The following FTO variants were observed in gnomAD, a reference collection of about 807,000 sequenced individuals.
FTO encodes the protein alpha-ketoglutarate-dependent dioxygenase FTO.
A neutral mutation model predicts 63.9 loss-of-function variants in FTO; 47 were observed. That is an observed-to-expected ratio of 0.74 (90% CI 0.58 to 0.94). The LOEUF (loss-of-function observed/expected upper bound fraction) is 0.94. FTO is among the 40% of genes least tolerant of loss of function. The pLI is 0.00. For synonymous variants in FTO, 207 were observed against 224.4 expected (o/e 0.92, Z 0.69); for missense variants, 562 against 618.1 (o/e 0.91, Z 0.96).
Position 54,044,181 on chromosome 16 carries a change from A to G in FTO, c.1365-67581A>G, listed in dbSNP as rs1377595449. On this transcript the variant is annotated intron_variant, in intron 8 of 8. Transcript: ENST00000471389. ...GACTGGCAAGTTGGATAAAGAGTCA[A>G]GACCCATCAGTGTGCTGTATTCAGG... Among the ~76,000 whole-genome samples, 5 of 74,920 alleles carry G rather than the reference A, an allele frequency of 6.7e-5. 1 individual carries two copies. Among genetic ancestry groups the G allele is most frequent in the Admixed American group, 2.9e-4 (2 of 6,786 alleles). The allele number at this position is 74,920 out of a possible 152,430, so 49.2% of individuals were successfully genotyped here.
chr16:53,794,469 A>G (rs2078008097), intron 1 of FTO, among the ~76,000 whole-genome samples: 1 of 152,218 alleles, frequency 6.6e-6, no homozygotes, highest in African/African-American at 2.4e-5. Flanking sequence ...ACAGAAAGCT[A>G]GATTTAGCTC....
chr16:54,103,669 A>G (rs1363988542), intron 8 of FTO, among the ~76,000 whole-genome samples: 2 of 152,216 alleles, frequency 1.3e-5, no homozygotes. Context: ...GTCCGAGTAG[A>G]CCGTTATGAT....
intron 3 of FTO, among the ~76,000 whole-genome samples, chr16:53,831,781 G>A (rs1567339055): frequency 6.6e-6 from 1 of 152,132 alleles, no homozygotes; most frequent in Non-Finnish European, 1.5e-5. Flanking sequence ...AATTTGAAGC[G>A]GGAGCACATA....
At chr16:53,945,208 G>GT (rs1475522709) in intron 8 of FTO, among the ~76,000 whole-genome samples, 26 of 152,216 alleles carry the variant, frequency 1.7e-4, no homozygotes, top group Non-Finnish European at 2.1e-4. Context: ...AAAAGTGGAT[G>GT]TTACTCCTGA....
At chr16:53,712,613 A>AG (rs1466164231) in intron 1 of FTO, among the ~76,000 whole-genome samples, 1 of 152,180 alleles carries the variant, frequency 6.6e-6, no homozygotes, top group Non-Finnish European at 1.5e-5. Context: ...TAACCCTCCT[A>AG]GTACTGGTTT....
intron 1 of FTO, among the ~76,000 whole-genome samples, chr16:53,781,342 A>G (rs1414747706): frequency 1.3e-5 from 2 of 152,208 alleles, no homozygotes; most frequent in African/African-American, 2.4e-5. Flanking sequence ...ATAGCAGATG[A>G]TTTTCAGGTT....
chr16:54,080,699 T>A (rs1455650204), intron 8 of FTO, among the ~76,000 whole-genome samples: 1 of 152,166 alleles, frequency 6.6e-6, no homozygotes, highest in African/African-American at 2.4e-5. Context: ...TGTTACCTGA[T>A]CAGTAATTGT....
At chr16:53,821,031 A>G (rs867925253) in intron 2 of FTO, among the ~76,000 whole-genome samples, 5 of 152,072 alleles carry the variant, frequency 3.3e-5, no homozygotes, top group Admixed American at 1.3e-4. Context: ...GATGATATTT[A>G]TGTGGTTATA....
At chr16:53,840,007 G>T (rs1046783027) in intron 3 of FTO, among the ~76,000 whole-genome samples, 3 of 151,934 alleles carry the variant, frequency 2.0e-5, no homozygotes, top group Non-Finnish European at 2.9e-5. Context: ...GTTTCACCAT[G>T]TTGGCCAGGA....
chr16:53,828,298 C>A (rs1468986020), intron 3 of FTO, among the ~76,000 whole-genome samples: 1 of 152,164 alleles, frequency 6.6e-6, no homozygotes, highest in Non-Finnish European at 1.5e-5. Context: ...CCACTCACTG[C>A]AAGCTCCGCC....
At chr16:53,793,840 G>A (rs966390868) in intron 1 of FTO, among the ~76,000 whole-genome samples, 2 of 152,112 alleles carry the variant, frequency 1.3e-5, no homozygotes, top group Non-Finnish European at 2.9e-5. Flanking sequence ...CCAGATTCAC[G>A]GTCTTTATAT....
Position 53,827,822 on chromosome 16 carries a change from A to T in FTO, c.751+1331A>T, listed in dbSNP as rs183905227. Among the ~76,000 whole-genome samples, 10 of 152,326 alleles carry T rather than the reference A, an allele frequency of 6.6e-5. No homozygotes were observed. In the East Asian group the frequency reaches 1.7e-3, roughly 26 times the overall value. On this transcript the variant is annotated intron_variant, in intron 3 of 8. Transcript: ENST00000471389. ...CTCTGATCTTTAATAAGGACTTGCC[A>T]GGGATTTAAGAACTATCACATCCAA...
chr16:53,841,049 T>A, intron 3 of FTO, among the ~76,000 whole-genome samples: 1 of 57,908 alleles, frequency 1.7e-5, no homozygotes, highest in African/African-American at 8.3e-5. Flanking sequence ...CAGTATATTA[T>A]GTATGAATAA....
chr16:53,914,254 T>G (rs1185010369), intron 7 of FTO, among the ~76,000 whole-genome samples: 1 of 144,924 alleles, frequency 6.9e-6, no homozygotes, highest in Non-Finnish European at 1.5e-5. Flanking sequence ...TCTTTCTTTC[T>G]TTTTTCTTTT....
intron 8 of FTO, among the ~76,000 whole-genome samples, chr16:53,949,680 T>A (rs532920240): frequency 1.2e-4 from 17 of 144,820 alleles, no homozygotes; most frequent in Admixed American, 5.7e-4. Context: ...TCTGCATTTA[T>A]GGATTTGCAG....
chr16:54,008,680 C>G (rs2084265695), intron 8 of FTO: 1 of 151,898 alleles, frequency 6.6e-6, no homozygotes, highest in African/African-American at 2.4e-5. Flanking sequence ...TTGTTAGGAA[C>G]TACAGTTTCT....
At chr16:53,937,684 TTTCTC>T in intron 8 of FTO, 1 of 155,674 alleles carries the variant, frequency 6.4e-6, no homozygotes, top group African/African-American at 2.4e-5. Flanking sequence ...CTCAACATCT[TTTCTC>T]CCCCTCTTTC....
At chr16:53,805,708 C>A (rs908952596) in intron 1 of FTO, among the ~76,000 whole-genome samples, 11 of 152,160 alleles carry the variant, frequency 7.2e-5, no homozygotes, top group Non-Finnish European at 1.2e-4. Context: ...CCTCCACCTC[C>A]CAAAGTGCTG....
intron 1 of FTO, among the ~76,000 whole-genome samples, chr16:53,705,837 G>T (rs577148373): frequency 7.2e-5 from 11 of 152,280 alleles, no homozygotes; most frequent in Admixed American, 2.0e-4. Flanking sequence ...GTGAAGATTT[G>T]TTGAGCACCT....
Sources: allele counts gnomAD v4.1 joint callset (sites outside exome capture counted in the v4.1 genomes callset), GRCh38; gene constraint gnomAD v4.1.1; transcripts MANE v1.5; gene names NCBI Gene and HGNC (gene_info 2026-07-23, HGNC 2026-07-21).